FNDC3A: variants seen among roughly 807,000 people sequenced by gnomAD.
FNDC3A encodes fibronectin type III domain containing 3A.
A neutral mutation model predicts 148.9 loss-of-function variants in FNDC3A; 32 were observed. The observed-to-expected ratio is 0.21, with a 90% CI of 0.16 to 0.29. The LOEUF (loss-of-function observed/expected upper bound fraction) is 0.29. Ranked by LOEUF, FNDC3A falls within the 10% of genes least tolerant of loss-of-function variation. The pLI, the probability that FNDC3A is intolerant of heterozygous loss-of-function variation, is 1.00. For synonymous variants in FNDC3A, 472 were observed against 473.6 expected, an observed-to-expected ratio of 1.00 and a Z score of 0.04; for missense variants, 1,191 against 1,452.8, an observed-to-expected ratio of 0.82 and a Z score of 2.93.
chr13:48,975,870 G>C (rs564487153), upstream of FNDC3A: 1 of 151,224 alleles, frequency 6.6e-6, no homozygotes, highest in Non-Finnish European at 1.5e-5. Context: ...CCGTCGGCGG[G>C]GCCCGCGCAG....
At chr13:49,118,187 G>A (rs994205346) in intron 4 of FNDC3A, among the ~76,000 whole-genome samples, 3 of 152,146 alleles carry the variant, frequency 2.0e-5, no homozygotes, top group Middle Eastern at 3.2e-3. Context: ...CTTCCACAGA[G>A]GGCAAGCCCA....
rs776836631 is a variant in FNDC3A, at chr13:49,136,564, G to A, written c.723G>A (p.Lys241=). Reference sequence around the variant, plus strand: ...GATCAGCAAAAATCAAGTCTGGGAAGGGGAAAGGTGGTACACAAGTTGATA... The same window carrying A: ...GATCAGCAAAAATCAAGTCTGGGAAAGGGAAAGGTGGTACACAAGTTGATA... ...NTGSAKIKSG[K]GKGGTQVDTE... is the part of the protein sequence containing the mutation. The change falls in exon 6 of 26, where the codon AAG becomes AAA. Residue 241 remains lysine (K), a synonymous_variant. Coordinates refer to ENST00000492622, the MANE Select transcript of FNDC3A (RefSeq NM_001079673.2). 2 of 1,613,970 alleles carry A rather than the reference G, an allele frequency of 1.2e-6. No homozygotes were observed.
intron 1 of FNDC3A, among the ~76,000 whole-genome samples, chr13:49,003,274 G>A (rs533276228): frequency 8.3e-4 from 126 of 152,022 alleles, no homozygotes; most frequent in Non-Finnish European, 1.6e-3. Context: ...CATGTTGGCC[G>A]TGCTGGTCTT....
chr13:48,984,624 G>C (rs141330918), intron 1 of FNDC3A, among the ~76,000 whole-genome samples: 2 of 152,244 alleles, frequency 1.3e-5, no homozygotes, highest in African/African-American at 4.8e-5. Flanking sequence ...AGATAGTTAG[G>C]TACCCACTTC....
At chr13:49,061,406 C>T (rs1207179723) in intron 2 of FNDC3A, among the ~76,000 whole-genome samples, 59 of 3,672 alleles carry the variant, frequency 0.016, 13 homozygotes, top group Non-Finnish European at 0.018. Context: ...CCCCTTCCCT[C>T]CCCTCCCCTC....
At chr13:49,019,500 T>A (rs1019496122) in intron 2 of FNDC3A, among the ~76,000 whole-genome samples, 4 of 152,204 alleles carry the variant, frequency 2.6e-5, no homozygotes, top group Non-Finnish European at 5.9e-5. Context: ...GCGCCCACTG[T>A]CTGGCACTCC....
intron 19 of FNDC3A, among the ~76,000 whole-genome samples, chr13:49,194,855 G>C (rs896530068): frequency 5.3e-5 from 8 of 151,850 alleles, no homozygotes; most frequent in African/African-American, 1.9e-4. Context: ...AAGTTTTATG[G>C]AAAGATTTTT....
chr13:49,019,523 A>G (rs1873151040), intron 2 of FNDC3A, among the ~76,000 whole-genome samples: 1 of 152,048 alleles, frequency 6.6e-6, no homozygotes, highest in Non-Finnish European at 1.5e-5. Context: ...AGTGAGATGA[A>G]CCCGGTACCT....
intron 5 of FNDC3A, 63 bp downstream of exon 5, chr13:49,131,437 A>G: frequency 8.7e-7 from 1 of 1,155,472 alleles, no homozygotes; most frequent in African/African-American, 1.5e-5. Flanking sequence ...GATATAATAG[A>G]TGCCATTATC....
chr13:49,124,565 T>G (rs1881573710), intron 4 of FNDC3A, among the ~76,000 whole-genome samples: 1 of 152,034 alleles, frequency 6.6e-6, no homozygotes, highest in Non-Finnish European at 1.5e-5. Flanking sequence ...CATACCAAGA[T>G]TATGTACTTT....
At chr13:49,013,433 T>TA (rs1487931131) in intron 2 of FNDC3A, among the ~76,000 whole-genome samples, 1 of 152,052 alleles carries the variant, frequency 6.6e-6, no homozygotes, top group East Asian at 1.9e-4. Flanking sequence ...ATGTGCAGGT[T>TA]AGTTACATAT....
At chr13:49,049,298 G>C (rs1875648615) in intron 2 of FNDC3A, among the ~76,000 whole-genome samples, 1 of 152,040 alleles carries the variant, frequency 6.6e-6, no homozygotes, top group South Asian at 2.1e-4. Flanking sequence ...CCCTGGTTTT[G>C]GTATTAGGGT....
intron 2 of FNDC3A, among the ~76,000 whole-genome samples, chr13:49,028,949 G>A (rs1377311973): frequency 6.6e-6 from 1 of 152,126 alleles, no homozygotes; most frequent in Non-Finnish European, 1.5e-5. Context: ...GTATATACTA[G>A]GTCATAAAAC....
At chr13:49,158,674 T>C (rs1042699106) in intron 8 of FNDC3A, among the ~76,000 whole-genome samples, 1 of 152,260 alleles carries the variant, frequency 6.6e-6, no homozygotes, top group Non-Finnish European at 1.5e-5. Flanking sequence ...TTCGGTGTTT[T>C]AGTCATGAAG....
intron 2 of FNDC3A, among the ~76,000 whole-genome samples, chr13:49,051,014 C>G (rs1195386861): frequency 3.9e-5 from 6 of 152,146 alleles, no homozygotes; most frequent in African/African-American, 1.4e-4. Flanking sequence ...TTTTCAGCCC[C>G]TTTACCTTAA....
intron 5 of FNDC3A, among the ~76,000 whole-genome samples, chr13:49,132,452 CT>C (rs1882092249): frequency 6.6e-6 from 1 of 152,226 alleles, no homozygotes; most frequent in Non-Finnish European, 1.5e-5. Context: ...GGACAAAACT[CT>C]GCACTGTAGG....
intron 2 of FNDC3A, among the ~76,000 whole-genome samples, chr13:49,028,873 A>G (rs546496844): frequency 6.6e-6 from 1 of 152,368 alleles, no homozygotes; most frequent in African/African-American, 2.4e-5. Context: ...TCTGTAGAAC[A>G]TTCCACCCAA....
intron 2 of FNDC3A, among the ~76,000 whole-genome samples, chr13:49,029,657 A>G (rs1180541929): frequency 6.6e-6 from 1 of 152,128 alleles, no homozygotes; most frequent in Non-Finnish European, 1.5e-5. Context: ...AAAATTGCCA[A>G]CCCTTTTAAG....
chr13:49,135,844 T>C (rs1882323737), intron 5 of FNDC3A, among the ~76,000 whole-genome samples: 1 of 152,240 alleles, frequency 6.6e-6, no homozygotes. Flanking sequence ...ACAGTCTAAA[T>C]CATTTCTTTT....
Sources: gnomAD v4.1 joint callset for allele counts (sites outside exome capture counted in the v4.1 genomes callset) on GRCh38, gnomAD v4.1.1 for gene constraint, MANE v1.5 for transcripts, NCBI Gene and HGNC (gene_info 2026-07-23, HGNC 2026-07-21) for gene names.